The following SUGCT variants were observed in gnomAD, a reference collection of about 807,000 sequenced individuals.
SUGCT encodes the protein succinyl-CoA:glutarate CoA-transferase.
In SUGCT, 41 loss-of-function variants were observed where a neutral mutation model predicts 55.0. The observed-to-expected ratio is 0.74, with a 90% CI of 0.58 to 0.97. The LOEUF (loss-of-function observed/expected upper bound fraction) is 0.97. SUGCT is among the 50% of genes least tolerant of loss of function. The probability of loss-of-function intolerance (pLI) is 0.00; values close to 1 mark genes in which losing one functional copy is unlikely to be tolerated. For missense variants in SUGCT, 568 were observed against 547.8 expected (o/e 1.04, Z -0.37); for synonymous variants, 187 against 200.4 (o/e 0.93, Z 0.56).
intron 8 of SUGCT, among the ~76,000 whole-genome samples, chr7:40,284,437 G>A (rs1004300192): frequency 5.3e-5 from 8 of 151,594 alleles, no homozygotes; most frequent in Admixed American, 1.3e-4. Flanking sequence ...GTGAAACCCC[G>A]TCTCTACTAA....
At chr7:40,811,046 A>G (rs1013574780) in intron 13 of SUGCT, among the ~76,000 whole-genome samples, 2 of 152,080 alleles carry the variant, frequency 1.3e-5, no homozygotes, top group Non-Finnish European at 2.9e-5. Context: ...ATTTTAGTTA[A>G]CTTTGAGGAA....
At chr7:41,009,739 C>T in the SUGCT span, among the ~76,000 whole-genome samples, 2 of 152,166 alleles carry the variant, frequency 1.3e-5, no homozygotes, top group Non-Finnish European at 2.9e-5. Flanking sequence ...ATCTCAGTGT[C>T]CTGATTCTTG....
chr7:40,960,743 A>G, the SUGCT span, among the ~76,000 whole-genome samples: 1 of 152,212 alleles, frequency 6.6e-6, no homozygotes, highest in Non-Finnish European at 1.5e-5. Context: ...TATTTCATAT[A>G]AATTTCTTCC....
intron 12 of SUGCT, among the ~76,000 whole-genome samples, chr7:40,698,937 C>A (rs1022665772): frequency 5.3e-5 from 8 of 152,142 alleles, no homozygotes; most frequent in Non-Finnish European, 8.8e-5. Flanking sequence ...GAGCCACATC[C>A]ATTTAGATTC....
chr7:40,906,236 A>G, the SUGCT span, among the ~76,000 whole-genome samples: 2 of 152,062 alleles, frequency 1.3e-5, no homozygotes, highest in Non-Finnish European at 2.9e-5. Context: ...AACCAATGCT[A>G]TCCCTCAACA....
chr7:40,969,243 A>G, the SUGCT span, among the ~76,000 whole-genome samples: 18 of 152,362 alleles, frequency 1.2e-4, no homozygotes, highest in African/African-American at 4.1e-4. Flanking sequence ...CCTTTCTGGA[A>G]ACACTGTGTT....
chr7:40,456,802 A>G (rs768205924), intron 10 of SUGCT, among the ~76,000 whole-genome samples: 5 of 152,130 alleles, frequency 3.3e-5, no homozygotes, highest in Admixed American at 2.0e-4. Flanking sequence ...TGGAATAGAC[A>G]TGTTTCTGGT....
chr7:41,020,894 G>T, the SUGCT span, among the ~76,000 whole-genome samples: 182 of 152,366 alleles, frequency 1.2e-3, no homozygotes, highest in African/African-American at 4.2e-3. Flanking sequence ...GAATGTAGCA[G>T]CAGCCTGATA....
At chr7:40,872,762 C>T in the SUGCT span, among the ~76,000 whole-genome samples, 1 of 152,064 alleles carries the variant, frequency 6.6e-6, no homozygotes, top group African/African-American at 2.4e-5. Flanking sequence ...TTAACTGTAC[C>T]CCTTTTGGGT....
chr7:40,941,388 G>T, the SUGCT span, among the ~76,000 whole-genome samples: 2 of 151,948 alleles, frequency 1.3e-5, no homozygotes, highest in Non-Finnish European at 2.9e-5. Context: ...TAGTCTTGAG[G>T]GTCCTTTTTG....
intron 13 of SUGCT, among the ~76,000 whole-genome samples, chr7:40,751,824 A>G (rs1788027132): frequency 6.6e-6 from 1 of 152,220 alleles, no homozygotes; most frequent in Admixed American, 6.5e-5. Flanking sequence ...TCAGCATGAT[A>G]ATGAGGAAAA....
At chr7:40,942,297 C>G in the SUGCT span, among the ~76,000 whole-genome samples, 1 of 152,032 alleles carries the variant, frequency 6.6e-6, no homozygotes, top group African/African-American at 2.4e-5. Context: ...CTGAAAGATA[C>G]TTTACTTTTG....
chr7:40,924,819 T>A, the SUGCT span, among the ~76,000 whole-genome samples: 17 of 152,334 alleles, frequency 1.1e-4, 1 homozygote, highest in South Asian at 6.2e-4. Context: ...TAATTCTGTA[T>A]CATCAGTACT....
the SUGCT span, among the ~76,000 whole-genome samples, chr7:40,924,615 A>T: frequency 1.3e-5 from 2 of 152,174 alleles, no homozygotes; most frequent in Admixed American, 6.5e-5. Context: ...TGATTAGCCC[A>T]TCAGTCATCA....
chr7:40,458,670 A>G (rs900340498), intron 10 of SUGCT, among the ~76,000 whole-genome samples: 1 of 152,216 alleles, frequency 6.6e-6, no homozygotes, highest in Admixed American at 6.5e-5. Flanking sequence ...TACAAGGTAC[A>G]TGTTGACTGT....
intron 12 of SUGCT, among the ~76,000 whole-genome samples, chr7:40,735,769 T>C (rs1006407465): frequency 6.6e-6 from 1 of 152,144 alleles, no homozygotes; most frequent in Non-Finnish European, 1.5e-5. Flanking sequence ...AAAAAAACAG[T>C]AGATATTCTA....
intron 11 of SUGCT, among the ~76,000 whole-genome samples, chr7:40,476,108 C>G (rs1195453475): frequency 1.3e-5 from 2 of 151,974 alleles, no homozygotes; most frequent in Non-Finnish European, 2.9e-5. Flanking sequence ...TGCTTCAGGC[C>G]CCTCATATGT....
intron 12 of SUGCT, among the ~76,000 whole-genome samples, chr7:40,527,468 T>C (rs986567796): frequency 6.6e-6 from 1 of 152,212 alleles, no homozygotes; most frequent in Non-Finnish European, 1.5e-5. Context: ...CCATTTTAGA[T>C]GACTGATGGA....
intron 11 of SUGCT, among the ~76,000 whole-genome samples, chr7:40,460,432 G>C (rs1438467620): frequency 6.6e-6 from 1 of 152,142 alleles, no homozygotes; most frequent in African/African-American, 2.4e-5. Context: ...CATGAGAAGT[G>C]CCCATTTATT....
Sources: gnomAD v4.1 joint callset for allele counts (sites outside exome capture counted in the v4.1 genomes callset) on GRCh38, gnomAD v4.1.1 for gene constraint, MANE v1.5 for transcripts, NCBI Gene and HGNC (gene_info 2026-07-23, HGNC 2026-07-21) for gene names.